Variants in PAPPA observed in about 807,000 individuals in gnomAD.
The protein encoded by PAPPA is pappalysin-1.
Under a neutral mutation model 164.0 loss-of-function variants are expected in PAPPA, and 60 were observed. The observed-to-expected ratio is 0.37, with a 90% CI of 0.30 to 0.45. The LOEUF (loss-of-function observed/expected upper bound fraction) is 0.45, where lower values mean the gene tolerates loss of function less well. Among genes scored for constraint, PAPPA ranks in the 20% least tolerant of loss-of-function variants. The probability of loss-of-function intolerance (pLI) is 1.00; values close to 1 mark genes in which losing one functional copy is unlikely to be tolerated. For missense variants in PAPPA, 1,782 were observed against 2,087.3 expected, an observed-to-expected ratio of 0.85 and a Z score of 2.85; for synonymous variants, 875 against 814.1, an observed-to-expected ratio of 1.07 and a Z score of -1.27.
intron 1 of PAPPA, among the ~76,000 whole-genome samples, chr9:116,177,540 G>T (rs1194733730): frequency 2.6e-5 from 4 of 152,194 alleles, no homozygotes; most frequent in Non-Finnish European, 4.4e-5. Context: ...ACCAGTAAGA[G>T]AATTTCCAGC....
In PAPPA at chr9:116,235,277, T is replaced by C; in HGVS notation, c.2372T>C (p.Leu791Ser). 6.2e-7 allele frequency: 1 copy of C among 1,614,168 alleles called. No individual in the cohort carries two copies. The highest frequency in any genetic ancestry group is 8.5e-7 in the Non-Finnish European group (1 of 1,180,018). ...CYLELEFLYP[L>S]VPESLTIWVT... ...CTCGAGCTGGAGTTCCTCTACCCCT[T>C]GGTCCCTGAGTCTCTGACCATTTGG... The change falls in exon 7 of 22, where the codon TTG (leucine) becomes TCG (serine). Residue 791 changes from leucine to serine, a missense_variant. Transcript: ENST00000328252.
At chr9:116,387,222 A>G (rs1846826387) in intron 21 of PAPPA, among the ~76,000 whole-genome samples, 1 of 152,202 alleles carries the variant, frequency 6.6e-6, no homozygotes, top group Non-Finnish European at 1.5e-5. Context: ...TCAGCCAAGT[A>G]GAGCACTGAG....
chr9:116,306,663 C>T (rs1378036930), intron 10 of PAPPA, among the ~76,000 whole-genome samples: 1 of 152,174 alleles, frequency 6.6e-6, no homozygotes, highest in Non-Finnish European at 1.5e-5. Context: ...CTTCTGGGAA[C>T]CTCAGAACCT....
intron 9 of PAPPA, among the ~76,000 whole-genome samples, chr9:116,272,925 T>C (rs963214284): frequency 6.6e-6 from 1 of 152,132 alleles, no homozygotes; most frequent in Non-Finnish European, 1.5e-5. Context: ...GGTTAAGTGG[T>C]CCTAACTCTT....
At chr9:116,178,130 GA>G (rs1373640518) in intron 1 of PAPPA, among the ~76,000 whole-genome samples, 1 of 152,184 alleles carries the variant, frequency 6.6e-6, no homozygotes, top group Non-Finnish European at 1.5e-5. Flanking sequence ...GTTTGAGACG[GA>G]GTTTCGCTCT....
At chr9:116,249,064 C>T (rs904108860) in intron 7 of PAPPA, among the ~76,000 whole-genome samples, 2 of 152,228 alleles carry the variant, frequency 1.3e-5, no homozygotes, top group Non-Finnish European at 2.9e-5. Flanking sequence ...TTATTTAGCA[C>T]TGTCTGTGTA....
chr9:116,274,159 T>C (rs1341691160), intron 9 of PAPPA, among the ~76,000 whole-genome samples: 1 of 151,974 alleles, frequency 6.6e-6, no homozygotes. Flanking sequence ...AAACAAGTCG[T>C]ATCACAAATT....
chr9:116,201,265 C>T (rs1409682405), intron 2 of PAPPA, among the ~76,000 whole-genome samples: 1 of 152,088 alleles, frequency 6.6e-6, no homozygotes, highest in African/African-American at 2.4e-5. Flanking sequence ...TAATGACTTG[C>T]CTTAAGTGGC....
At chr9:116,169,434 C>T (rs1053693120) in intron 1 of PAPPA, among the ~76,000 whole-genome samples, 1 of 149,402 alleles carries the variant, frequency 6.7e-6, no homozygotes, top group African/African-American at 2.5e-5. Flanking sequence ...ATTCTCCTGC[C>T]TCAGCCTCCC....
chr9:116,289,266 TATAGCATATATATAGCATATAA>T (rs1845396083), intron 9 of PAPPA, among the ~76,000 whole-genome samples: 5 of 119,110 alleles, frequency 4.2e-5, no homozygotes, highest in Admixed American at 8.6e-5. Flanking sequence ...AGCATATATA[TATAGCATATATATAGCATATAA>T]ATAGCATATA....
chr9:116,363,987 G>GTACTT (rs2118637124), intron 18 of PAPPA, among the ~76,000 whole-genome samples: 1 of 152,288 alleles, frequency 6.6e-6, no homozygotes, highest in East Asian at 1.9e-4. Flanking sequence ...GGTTTGGAAG[G>GTACTT]TACTTTAAGA....
At chr9:116,280,754 G>T (rs1281315370) in intron 9 of PAPPA, among the ~76,000 whole-genome samples, 1 of 152,230 alleles carries the variant, frequency 6.6e-6, no homozygotes, top group Non-Finnish European at 1.5e-5. Flanking sequence ...AACCCAGCCT[G>T]CTGCCTGTTT....
chr9:116,198,463 A>G (rs558548425), intron 2 of PAPPA, among the ~76,000 whole-genome samples: 3 of 152,368 alleles, frequency 2.0e-5, no homozygotes, highest in South Asian at 4.1e-4. Context: ...TGCCAAGCAC[A>G]GTGCTAGGTG....
chr9:116,207,705 T>A, intron 3 of PAPPA, 104 bp downstream of exon 3: 1 of 847,424 alleles, frequency 1.2e-6, no homozygotes, highest in Non-Finnish European at 1.7e-6. Flanking sequence ...GTGGTAGTTG[T>A]GAGGGTGAAC....
chr9:116,220,886 A>G (rs982797285), intron 5 of PAPPA, among the ~76,000 whole-genome samples: 2 of 147,436 alleles, frequency 1.4e-5, no homozygotes, highest in African/African-American at 2.4e-5. Context: ...CTCTGTCTCA[A>G]AAAAAAAAGA....
rs1242454289 is a variant in PAPPA at position 116,265,903 on chromosome 9, T to C, written c.2779T>C (p.Ser927Pro). 1 of 1,611,832 alleles carries C rather than the reference T, an allele frequency of 6.2e-7. No individual in the cohort carries two copies. Among genetic ancestry groups the C allele is most frequent in the South Asian group, 1.1e-5 (1 of 91,014 alleles). ...GTACCAGTATTGGGTCATAACTATTTCAGGAACTGAAGAGAGTGAGCCATC... is the reference window on the plus strand; with the variant it reads ...GTACCAGTATTGGGTCATAACTATTCCAGGAACTGAAGAGAGTGAGCCATC... ...SVYQYWVITI[S>P]GTEESEPSPA... is the part of the protein sequence containing the mutation. The change falls in exon 8 of 22, where the codon TCA (serine) becomes CCA (proline). Residue 927 changes from serine to proline, a missense_variant. Coordinates refer to ENST00000328252, the MANE Select transcript of PAPPA (RefSeq NM_002581.5).
At chr9:116,380,984 C>T (rs1846723245) in intron 20 of PAPPA, among the ~76,000 whole-genome samples, 1 of 152,196 alleles carries the variant, frequency 6.6e-6, no homozygotes, top group African/African-American at 2.4e-5. Flanking sequence ...GTCTCTTTCC[C>T]ATGAATGAGT....
intron 2 of PAPPA, among the ~76,000 whole-genome samples, chr9:116,198,178 C>T (rs1844130048): frequency 6.6e-6 from 1 of 152,128 alleles, no homozygotes; most frequent in Admixed American, 6.6e-5. Flanking sequence ...GAGCTGTGGG[C>T]CCTTGAACGG....
intron 13 of PAPPA, among the ~76,000 whole-genome samples, chr9:116,343,664 G>A (rs977805555): frequency 2.0e-5 from 3 of 152,250 alleles, no homozygotes; most frequent in Non-Finnish European, 1.5e-5. Context: ...AGAGTATACC[G>A]AAGCTCAGAG....
Sources: allele counts gnomAD v4.1 joint callset (sites outside exome capture counted in the v4.1 genomes callset), GRCh38; gene constraint gnomAD v4.1.1; transcripts MANE v1.5; gene names NCBI Gene and HGNC (gene_info 2026-07-23, HGNC 2026-07-21).